The following KCNAB1 variants were observed in gnomAD, a reference collection of about 807,000 sequenced individuals.
The protein encoded by KCNAB1 is potassium voltage-gated channel subfamily A regulatory beta subunit 1.
In KCNAB1, 35 loss-of-function variants were observed where a neutral mutation model predicts 64.6. The ratio of observed to expected loss-of-function variants is 0.54; its 90% CI spans 0.41 to 0.72. The LOEUF is 0.72. Ranked by LOEUF, KCNAB1 falls within the 30% of genes least tolerant of loss-of-function variation. The probability of loss-of-function intolerance (pLI) is 0.00; values close to 1 mark genes in which losing one functional copy is unlikely to be tolerated. For synonymous variants in KCNAB1, 177 were observed against 183.8 expected, an observed-to-expected ratio of 0.96 and a Z score of 0.30; for missense variants, 401 against 512.9, an observed-to-expected ratio of 0.78 and a Z score of 2.11.
chr3:156,316,209 G>T (rs1162029626), intron 1 of KCNAB1, among the ~76,000 whole-genome samples: 1 of 152,184 alleles, frequency 6.6e-6, no homozygotes, highest in Non-Finnish European at 1.5e-5. Flanking sequence ...TGAAGCCAAG[G>T]CACAGAGAAG....
intron 2 of KCNAB1, among the ~76,000 whole-genome samples, chr3:156,434,898 T>C (rs1433979759): frequency 6.6e-6 from 1 of 152,200 alleles, no homozygotes. Context: ...GAGAAGATGG[T>C]ACTGTTTTAA....
chr3:156,171,953 A>G (rs745665306), intron 1 of KCNAB1, among the ~76,000 whole-genome samples: 14 of 152,246 alleles, frequency 9.2e-5, no homozygotes, highest in Non-Finnish European at 1.6e-4. Flanking sequence ...GAGGCTGTGT[A>G]TATCAGCCAA....
chr3:156,212,722 C>T (rs574388878), intron 1 of KCNAB1, among the ~76,000 whole-genome samples: 6 of 152,188 alleles, frequency 3.9e-5, no homozygotes, highest in Non-Finnish European at 7.4e-5. Context: ...AGAGGGGAGG[C>T]GAGCACTTCA....
chr3:156,240,395 A>G (rs757987618), intron 1 of KCNAB1, among the ~76,000 whole-genome samples: 1 of 152,174 alleles, frequency 6.6e-6, no homozygotes, highest in Non-Finnish European at 1.5e-5. Flanking sequence ...CTATTAAAAT[A>G]GTAATACTAT....
chr3:156,239,499 C>T (rs1036256864), intron 1 of KCNAB1, among the ~76,000 whole-genome samples: 1 of 152,262 alleles, frequency 6.6e-6, no homozygotes, highest in East Asian at 1.9e-4. Flanking sequence ...CTTCCCTTCA[C>T]CTAGGTCTCC....
intron 1 of KCNAB1, among the ~76,000 whole-genome samples, chr3:156,175,652 A>G (rs1280477775): frequency 6.6e-6 from 1 of 152,220 alleles, no homozygotes; most frequent in African/African-American, 2.4e-5. Flanking sequence ...GAAATCAGGC[A>G]GGTGGATTTT....
At chr3:156,468,702 A>T (rs1454039474) in intron 7 of KCNAB1, among the ~76,000 whole-genome samples, 2 of 152,238 alleles carry the variant, frequency 1.3e-5, no homozygotes, top group Non-Finnish European at 2.9e-5. Flanking sequence ...CCTTATAAGT[A>T]CAACTGCTAG....
chr3:156,477,501 C>G (rs561339927), intron 8 of KCNAB1, among the ~76,000 whole-genome samples: 1 of 152,290 alleles, frequency 6.6e-6, no homozygotes, highest in African/African-American at 2.4e-5. Context: ...CTCACCCCAG[C>G]AGGCCAATCA....
intron 1 of KCNAB1, among the ~76,000 whole-genome samples, chr3:156,223,695 C>T (rs1560145175): frequency 6.6e-6 from 1 of 151,158 alleles, no homozygotes; most frequent in African/African-American, 2.4e-5. Context: ...CTGATTGGTG[C>T]ATCCACAGAC....
At chr3:156,523,995 A>G in intron 12 of KCNAB1, 48 bp downstream of exon 12, 1 of 1,571,894 alleles carries the variant, frequency 6.4e-7, no homozygotes, top group South Asian at 1.2e-5. Flanking sequence ...TTCTGCTGAG[A>G]TCATAGTTTT....
At chr3:156,489,010 A>G (rs142097999) in intron 8 of KCNAB1, among the ~76,000 whole-genome samples, 4 of 152,246 alleles carry the variant, frequency 2.6e-5, no homozygotes, top group Non-Finnish European at 5.9e-5. Context: ...CATAGCTGAT[A>G]TGGAACCAGC....
At chr3:156,253,882 A>G (rs1717963043) in intron 1 of KCNAB1, among the ~76,000 whole-genome samples, 1 of 152,216 alleles carries the variant, frequency 6.6e-6, no homozygotes, top group African/African-American at 2.4e-5. Context: ...CATCGGTCTA[A>G]ACCAAACATG....
rs551681302 is a variant in KCNAB1, at chr3:156,328,289, G to A, written c.276-93327G>A. ...GAGTTTGGGCTCTATTCTACAGGCCGTGATGAGCTGTGAAATGTTTTTGAG... is the reference window on the plus strand; with the variant it reads ...GAGTTTGGGCTCTATTCTACAGGCCATGATGAGCTGTGAAATGTTTTTGAG... On this transcript the variant is annotated intron_variant, in intron 1 of 13. Transcript: ENST00000490337. Among the ~76,000 whole-genome samples, 7 of 152,262 alleles carry A rather than the reference G, an allele frequency of 4.6e-5. No homozygotes were observed. The South Asian group carries it at 6.2e-4, about 14-fold the overall frequency.
At chr3:156,373,761 AC>A (rs1711502867) in intron 1 of KCNAB1, among the ~76,000 whole-genome samples, 1 of 152,222 alleles carries the variant, frequency 6.6e-6, no homozygotes, top group African/African-American at 2.4e-5. Context: ...AAGGCCCTCC[AC>A]GGCCATCAGC....
chr3:156,148,859 CTT>C lies in KCNAB1; in HGVS notation c.275+27984_275+27985del, dbSNP rs11360855. On this transcript the variant is annotated intron_variant, in intron 1 of 13. Transcript: ENST00000490337. ...CATCACTTGCTTTTTCATTTTCTTT[CTT>C]TTTTTTTTTTGCTGTTGCTATTAGG... Among the ~76,000 whole-genome samples, 1,114 of 146,786 alleles carry C rather than the reference CTT, an allele frequency of 7.6e-3. 12 individuals are homozygous for C. Among genetic ancestry groups the C allele is most frequent in the South Asian group, 0.018 (81 of 4,626 alleles).
At chr3:156,482,812 G>A (rs1714927198) in intron 8 of KCNAB1, among the ~76,000 whole-genome samples, 1 of 151,994 alleles carries the variant, frequency 6.6e-6, no homozygotes, top group South Asian at 2.1e-4. Flanking sequence ...GAAATTTAGA[G>A]CTACCATTTT....
chr3:156,525,402 T>C (rs1294032582), intron 12 of KCNAB1, among the ~76,000 whole-genome samples: 2 of 152,222 alleles, frequency 1.3e-5, no homozygotes, highest in Non-Finnish European at 2.9e-5. Context: ...AAAAACACTT[T>C]TTAAAAATAG....
At chr3:156,492,703 CT>C (rs1487848427) in intron 8 of KCNAB1, among the ~76,000 whole-genome samples, 3 of 152,040 alleles carry the variant, frequency 2.0e-5, no homozygotes, top group African/African-American at 7.2e-5. Context: ...AAAATATGAA[CT>C]TAACCCAAAG....
intron 1 of KCNAB1, among the ~76,000 whole-genome samples, chr3:156,190,684 G>A (rs554864847): frequency 6.6e-6 from 1 of 152,176 alleles, no homozygotes; most frequent in African/African-American, 2.4e-5. Context: ...AAATAGGAAA[G>A]CACTTTTAAG....
Sources: allele counts gnomAD v4.1 joint callset (sites outside exome capture counted in the v4.1 genomes callset), GRCh38; gene constraint gnomAD v4.1.1; transcripts MANE v1.5; gene names NCBI Gene and HGNC (gene_info 2026-07-23, HGNC 2026-07-21).